Variants in RAB1B observed in about 807,000 individuals in gnomAD.
RAB1B encodes the protein RAB1B, member RAS oncogene family, also known as ras-related protein Rab-1B.
In RAB1B, 10 loss-of-function variants were observed where a neutral mutation model predicts 24.8. The ratio of observed to expected loss-of-function variants is 0.40; its 90% CI spans 0.25 to 0.68. The LOEUF is 0.68. Among genes scored for constraint, RAB1B ranks in the 30% least tolerant of loss-of-function variants. The pLI is 0.37. For synonymous variants in RAB1B, 99 were observed against 111.7 expected (o/e 0.89, Z 0.72); for missense variants, 154 against 271.2 (o/e 0.57, Z 3.04).
rs1466179682 is a variant in RAB1B, at chr11:66,275,790, CT to C, written c.280-13del. On this transcript the variant is annotated splice_polypyrimidine_tract_variant and intron_variant, in intron 4 of 5. Coordinates refer to ENST00000311481, the MANE Select transcript of RAB1B (RefSeq NM_030981.3). ...GTTGGGAGCAAAATAACTTTGGCCC[CT>C]GGCCCCCTTTAGGAATCCTACGCCA... 2 of 1,565,392 alleles carry C rather than the reference CT, an allele frequency of 1.3e-6. No homozygotes were observed. The highest frequency in any genetic ancestry group is 2.3e-5 in the East Asian group (1 of 42,772).
intron 3 of RAB1B, 56 bp downstream of exon 3, chr11:66,272,308 A>AGGGACTCT: frequency 2.5e-6 from 4 of 1,600,170 alleles, no homozygotes; most frequent in Non-Finnish European, 3.4e-6. Context: ...TTGGGAGGGA[A>AGGGACTCT]GGGACTCTGG....
In RAB1B at chr11:66,276,025, C is replaced by T. The variant is rs1465219094; in HGVS notation, c.412-19C>T. ...CCCTCCTCTTCTCTCCCCTCCTCTTCTCTCCTCTCCCTTGTCAGGAGTTTG... is the reference window on the plus strand; with the variant it reads ...CCCTCCTCTTCTCTCCCCTCCTCTTTTCTCCTCTCCCTTGTCAGGAGTTTG... On this transcript the variant is annotated intron_variant, in intron 5 of 5. Coordinates refer to ENST00000311481, the MANE Select transcript of RAB1B (RefSeq NM_030981.3). The T allele has an allele frequency of 5.0e-6, 8 of 1,606,228 alleles. No homozygotes were observed. The highest frequency in any genetic ancestry group is 6.8e-6 in the Non-Finnish European group (8 of 1,174,814).
At chr11:66,276,020 C>G (rs888795894) in intron 5 of RAB1B, 24 bp from the exon 6 acceptor site, 32 of 1,609,200 alleles carry the variant, frequency 2.0e-5, no homozygotes, top group Non-Finnish European at 2.6e-5. Flanking sequence ...CTCTCCCCTC[C>G]TCTTCTCTCC....
intron 1 of RAB1B, 109 bp from the exon 2 acceptor site, chr11:66,271,684 AAAAT>A (rs1857060630): frequency 1.3e-6 from 1 of 743,260 alleles, no homozygotes; most frequent in Admixed American, 2.2e-5. Context: ...AAAAAAAATA[AAAAT>A]AAACCAAGGG....
At position 66,268,869 on chromosome 11, in the gene RAB1B, A is replaced by T. The variant is rs1293508627; in HGVS notation, c.14+176A>T. ...TGCCCCTCCCCCCAGGGGCCCCAGG[A>T]CCCCGGCTCAAAACCCCGAGCCCTC... On this transcript the variant is annotated intron_variant, in intron 1 of 5. Coordinates refer to ENST00000311481, the MANE Select transcript of RAB1B (RefSeq NM_030981.3). 5.6e-5 allele frequency among the ~76,000 whole-genome samples: 5 copies of T among 89,636 alleles called. No individual in the cohort carries two copies. The East Asian group carries it at 2.0e-3, about 35-fold the overall frequency. The allele number at this position is 89,636 out of a possible 152,430, so 58.8% of individuals were successfully genotyped here.
chr11:66,271,888 A>G lies in RAB1B; in HGVS notation c.87+19A>G. ...GTTTGCTGTGAGTAAGAAGCCTCCCATACCATCCACCTGGGGTCCTGACTG... is the reference window on the plus strand; with the variant it reads ...GTTTGCTGTGAGTAAGAAGCCTCCCGTACCATCCACCTGGGGTCCTGACTG... On this transcript the variant is annotated intron_variant, in intron 2 of 5. Transcript: ENST00000311481. The G allele has an allele frequency of 6.2e-7, 1 of 1,605,466 alleles. No individual in the cohort carries two copies. Among genetic ancestry groups the G allele is most frequent in the Non-Finnish European group, 8.5e-7 (1 of 1,172,164 alleles).
chr11:66,269,404 C>T (rs573973607), intron 1 of RAB1B, among the ~76,000 whole-genome samples: 4 of 152,230 alleles, frequency 2.6e-5, no homozygotes, highest in Non-Finnish European at 5.9e-5. Context: ...TTGCTCTCCC[C>T]CTTCCTGTGG....
intron 1 of RAB1B, 31 bp downstream of exon 1, chr11:66,268,724 C>G (rs1565180073): frequency 2.6e-6 from 4 of 1,556,414 alleles, no homozygotes; most frequent in Admixed American, 2.0e-5. Flanking sequence ...CCGTCCAGCG[C>G]AGCCTCGATC....
At chr11:66,273,264 C>T (rs753458569) in intron 4 of RAB1B, among the ~76,000 whole-genome samples, 3 of 152,360 alleles carry the variant, frequency 2.0e-5, no homozygotes, top group Non-Finnish European at 4.4e-5. Context: ...GGAAGAGTCC[C>T]TGTCTGAGGA....
chr11:66,272,124 C>A, intron 2 of RAB1B, 33 bp from the exon 3 acceptor site: 1 of 1,503,992 alleles, frequency 6.6e-7, no homozygotes, highest in Non-Finnish European at 9.3e-7. Context: ...ACCTCATTAA[C>A]TCCCATGATT....
rs1375955742 is a variant in RAB1B at position 66,268,768 on chromosome 11, C to T, written c.14+75C>T. The T allele has an allele frequency of 3.4e-6, 5 of 1,470,724 alleles. No homozygotes were observed. The East Asian group carries it at 1.4e-4, about 41-fold the overall frequency. The allele number at this position is 1,470,724 out of a possible 1,614,324, so 91.1% of individuals were successfully genotyped here. A position where few individuals can be genotyped will look rare whatever the true frequency, so the allele number is the denominator to read the frequency against. On this transcript the variant is annotated intron_variant, in intron 1 of 5. Transcript: ENST00000311481. ...AGGGCTGTACGCTTACCGGGGTTGT[C>T]TGGCCCGGGTCAGGACTGTGCGGCG...
chr11:66,271,894 T>G (rs1226275853), intron 2 of RAB1B, 25 bp downstream of exon 2: 1 of 1,594,370 alleles, frequency 6.3e-7, no homozygotes, highest in Non-Finnish European at 8.6e-7. Flanking sequence ...TCCCATACCA[T>G]CCACCTGGGG....
chr11:66,270,929 C>G (rs539366924), intron 1 of RAB1B: 1 of 152,378 alleles, frequency 6.6e-6, no homozygotes, highest in Admixed American at 6.5e-5. Flanking sequence ...ATTTCTTTCT[C>G]CATAAAGTGA....
At chr11:66,273,225 A>G (rs528785686) in intron 4 of RAB1B, among the ~76,000 whole-genome samples, 1 of 152,308 alleles carries the variant, frequency 6.6e-6, no homozygotes, top group East Asian at 1.9e-4. Context: ...CCCTGAAGAT[A>G]AGGAGAAGCT....
At chr11:66,273,435 C>T (rs1380078952) in intron 4 of RAB1B, among the ~76,000 whole-genome samples, 2 of 152,226 alleles carry the variant, frequency 1.3e-5, no homozygotes, top group African/African-American at 4.8e-5. Context: ...GCTTTGGACA[C>T]TGCTCTCTTC....
At position 66,276,196 on chromosome 11, in the gene RAB1B, C is replaced by T. The variant is rs371190814; in HGVS notation, c.564C>T (p.Ile188=). 1.1e-5 allele frequency: 18 copies of T among 1,605,096 alleles called. No individual in the cohort carries two copies. The highest frequency in any genetic ancestry group is 3.3e-5 in the South Asian group (3 of 89,636). ...ASGGERPNLK[I]DSTPVKPAGG... ...GGGGCGAGCGGCCCAATCTCAAGAT[C>T]GACAGCACCCCTGTAAAGCCGGCTG... Residue 188 remains isoleucine (I), a synonymous_variant, in exon 6 of 6, where the codon ATC becomes ATT. Transcript: ENST00000311481.
At position 66,268,673 on chromosome 11, in the gene RAB1B, C is replaced by T. The variant is rs1338230231; in HGVS notation, c.-7C>T. 1 of 1,566,742 alleles carries T rather than the reference C, an allele frequency of 6.4e-7. No individual in the cohort carries two copies. Among genetic ancestry groups the T allele is most frequent in the Non-Finnish European group, 8.6e-7 (1 of 1,158,438 alleles). The stretch of plus-strand genomic sequence containing the variant: ...TGGGAGCGACCGAGCGGGCCGCCGC[C>T]GCCGCCATGAACCCCGAATAGTGAG... On this transcript the variant is annotated 5_prime_UTR_variant, in exon 1 of 6. Coordinates refer to ENST00000311481, the MANE Select transcript of RAB1B (RefSeq NM_030981.3).
At chr11:66,273,297 C>A (rs116600512) in intron 4 of RAB1B, among the ~76,000 whole-genome samples, 2,568 of 152,324 alleles carry the variant, frequency 0.017, 75 homozygotes, top group African/African-American at 0.058. Flanking sequence ...TTTAGCTCAC[C>A]AGGGACTCAT....
In RAB1B at chr11:66,272,137, A is replaced by T; in HGVS notation, c.88-20A>T. The T allele has an allele frequency of 6.4e-7, 1 of 1,568,228 alleles. No individual in the cohort carries two copies. The highest frequency in any genetic ancestry group is 8.8e-7 in the Non-Finnish European group (1 of 1,139,104). ...TCACCTCATTAACTCCCATGATTTCATTGGCCCCTGAACTTTCAGGATGAC... is the reference window on the plus strand; with the variant it reads ...TCACCTCATTAACTCCCATGATTTCTTTGGCCCCTGAACTTTCAGGATGAC... On this transcript the variant is annotated intron_variant, in intron 2 of 5. Transcript: ENST00000311481.
Sources: gnomAD v4.1 joint callset for allele counts (sites outside exome capture counted in the v4.1 genomes callset) on GRCh38, gnomAD v4.1.1 for gene constraint, MANE v1.5 for transcripts, NCBI Gene and HGNC (gene_info 2026-07-23, HGNC 2026-07-21) for gene names.